Variants in NUP155 observed in about 807,000 individuals in gnomAD.
NUP155 encodes nuclear pore complex protein Nup155.
A neutral mutation model predicts 180.4 loss-of-function variants in NUP155; 71 were observed. The ratio of observed to expected loss-of-function variants is 0.39; its 90% CI spans 0.33 to 0.48. NUP155 has a LOEUF of 0.48. NUP155 is among the 20% of genes least tolerant of loss of function. NUP155 has a pLI of 0.91. For synonymous variants in NUP155, 582 were observed against 559.5 expected (o/e 1.04, Z -0.57); for missense variants, 1,553 against 1,648.9 (o/e 0.94, Z 1.01).
At chr5:37,332,910 CTG>C (rs1271336210) in intron 13 of NUP155, among the ~76,000 whole-genome samples, 1 of 151,522 alleles carries the variant, frequency 6.6e-6, no homozygotes, top group African/African-American at 2.4e-5. Flanking sequence ...TAAGCCAAGA[CTG>C]TGCACCACAC....
At chr5:37,366,129 T>C (rs2111743814) in intron 1 of NUP155, among the ~76,000 whole-genome samples, 1 of 152,136 alleles carries the variant, frequency 6.6e-6, no homozygotes, top group East Asian at 1.9e-4. Flanking sequence ...AACCTTTCTC[T>C]TGCTCTAAGA....
At chr5:37,292,572 T>C (rs1028915661) in intron 34 of NUP155, among the ~76,000 whole-genome samples, 2 of 152,144 alleles carry the variant, frequency 1.3e-5, no homozygotes, top group Non-Finnish European at 2.9e-5. Context: ...AATATTCTTT[T>C]TCAAAAGAAT....
intron 22 of NUP155, among the ~76,000 whole-genome samples, chr5:37,312,600 C>T (rs891893458): frequency 2.0e-5 from 3 of 152,116 alleles, no homozygotes; most frequent in Admixed American, 2.0e-4. Flanking sequence ...ATTTTGCTAT[C>T]AAATATTGAC....
chr5:37,336,463 T>C (rs1745335208), intron 12 of NUP155, among the ~76,000 whole-genome samples: 1 of 152,030 alleles, frequency 6.6e-6, no homozygotes, highest in African/African-American at 2.4e-5. Context: ...AAAGTTAACA[T>C]TTATGGAATG....
intron 31 of NUP155, 77 bp downstream of exon 31, chr5:37,299,371 T>C: frequency 6.5e-7 from 1 of 1,545,668 alleles, no homozygotes; most frequent in Non-Finnish European, 8.9e-7. Context: ...TTGCATTATA[T>C]TAGTTACTAG....
chr5:37,299,718 G>A (rs1183436489), intron 30 of NUP155, 150 bp from the exon 31 acceptor site: 3 of 830,472 alleles, frequency 3.6e-6, no homozygotes, highest in African/African-American at 1.7e-5. Context: ...GTATGTAGCT[G>A]GTTATAACTC....
intron 20 of NUP155, among the ~76,000 whole-genome samples, chr5:37,318,545 G>A (rs953300651): frequency 3.9e-5 from 6 of 151,994 alleles, no homozygotes; most frequent in African/African-American, 1.2e-4. Flanking sequence ...TCAGCATGAT[G>A]CTCAAAGGAA....
At chr5:37,294,507 CTT>C in intron 32 of NUP155, 42 bp from the exon 33 acceptor site, 1 of 1,575,278 alleles carries the variant, frequency 6.3e-7, no homozygotes, top group Non-Finnish European at 8.7e-7. Flanking sequence ...ATTTTTAGCT[CTT>C]GATACTAAAA....
intron 19 of NUP155, 122 bp from the exon 20 acceptor site, chr5:37,324,229 T>C (rs187172307): frequency 7.1e-6 from 5 of 705,768 alleles, no homozygotes; most frequent in Non-Finnish European, 7.7e-6. Flanking sequence ...TTCACACCTG[T>C]TGATCCGAAT....
At chr5:37,292,427 G>C (rs905620963) in intron 34 of NUP155, among the ~76,000 whole-genome samples, 4 of 152,022 alleles carry the variant, frequency 2.6e-5, no homozygotes, top group Admixed American at 6.6e-5. Context: ...GTGTTAGCCA[G>C]GATGGTCTCG....
rs1299433220 is a variant in NUP155 at position 37,318,697 on chromosome 5, G to A, written c.2208-612C>T. Among the ~76,000 whole-genome samples, 9 of 152,156 alleles carry A rather than the reference G, an allele frequency of 5.9e-5. No individual in the cohort carries two copies. The East Asian group carries it at 1.7e-3, about 29-fold the overall frequency. ...ACAGTTCGGATAAGGGATATTCAAT[G>A]TGTATCACAATACATAAAAAACGAG... On this transcript the variant is annotated intron_variant, in intron 20 of 34. Coordinates refer to ENST00000231498, the MANE Select transcript of NUP155 (RefSeq NM_153485.3).
At chr5:37,316,763 C>A (rs1324196929) in intron 21 of NUP155, among the ~76,000 whole-genome samples, 1 of 151,836 alleles carries the variant, frequency 6.6e-6, no homozygotes, top group Non-Finnish European at 1.5e-5. Flanking sequence ...CTGCGCCCAG[C>A]CCAGAGTGAC....
At chr5:37,369,228 G>GT (rs1747803333) in intron 1 of NUP155, among the ~76,000 whole-genome samples, 1 of 152,008 alleles carries the variant, frequency 6.6e-6, no homozygotes, top group African/African-American at 2.4e-5. Flanking sequence ...CTCCAGCCTG[G>GT]TAACAGAACT....
At chr5:37,313,896 G>A (rs4869498) in intron 22 of NUP155, among the ~76,000 whole-genome samples, 9,112 of 152,200 alleles carry the variant, frequency 0.06, 340 homozygotes, top group South Asian at 0.13. Flanking sequence ...GGTAGTGAGA[G>A]ATAGCTTTTA....
In NUP155 at chr5:37,310,771, A is replaced by G. The variant is rs576529066; in HGVS notation, c.2437-28T>C. 1.1e-4 allele frequency: 171 copies of G among 1,498,664 alleles called. 1 individual carries two copies. The South Asian group carries it at 1.9e-3, about 16-fold the overall frequency. The allele number at this position is 1,498,664 out of a possible 1,614,324, so 92.8% of individuals were successfully genotyped here. A position where few individuals can be genotyped will look rare whatever the true frequency, so the allele number is the denominator to read the frequency against. ...AGGAGCATAAAACTTTTCTATCACA[A>G]TTATAGAAATACCATATTTCTAAAC... is the stretch of plus-strand genomic sequence containing the variant. On this transcript the variant is annotated intron_variant, in intron 22 of 34. Coordinates refer to ENST00000231498, the MANE Select transcript of NUP155 (RefSeq NM_153485.3).
chr5:37,348,794 T>C (rs1392748675), intron 8 of NUP155, among the ~76,000 whole-genome samples, 198 bp from the exon 9 acceptor site: 1 of 151,888 alleles, frequency 6.6e-6, no homozygotes, highest in Non-Finnish European at 1.5e-5. Context: ...CTTGCTCTAC[T>C]GCCCAGGCTG....
chr5:37,366,985 T>C (rs1747630291), intron 1 of NUP155, among the ~76,000 whole-genome samples: 2 of 151,362 alleles, frequency 1.3e-5, no homozygotes, highest in African/African-American at 2.4e-5. Context: ...CCGCCTGCCT[T>C]GGCCTCCCAA....
chr5:37,334,737 G>C (rs924416190), intron 12 of NUP155, among the ~76,000 whole-genome samples: 2 of 152,070 alleles, frequency 1.3e-5, no homozygotes, highest in Admixed American at 1.3e-4. Flanking sequence ...TAGAGGACAA[G>C]GGCAAACTTT....
At chr5:37,333,348 C>T (rs939235325) in intron 13 of NUP155, 115 bp downstream of exon 13, 26 of 950,902 alleles carry the variant, frequency 2.7e-5, no homozygotes, top group South Asian at 1.2e-4. Context: ...AGCGAGACTC[C>T]GTCTCAAAAA....
Sources: allele counts gnomAD v4.1 joint callset (sites outside exome capture counted in the v4.1 genomes callset), GRCh38; gene constraint gnomAD v4.1.1; transcripts MANE v1.5; gene names NCBI Gene and HGNC (gene_info 2026-07-23, HGNC 2026-07-21).